PBRM1: variants seen among roughly 807,000 people sequenced by gnomAD.
The protein encoded by PBRM1 is protein polybromo-1.
A neutral mutation model predicts 194.5 loss-of-function variants in PBRM1; 27 were observed. The observed-to-expected ratio is 0.14, with a 90% CI of 0.10 to 0.19. The LOEUF (loss-of-function observed/expected upper bound fraction) is 0.19. Among genes scored for constraint, PBRM1 ranks in the 10% least tolerant of loss-of-function variants. The pLI, the probability that PBRM1 is intolerant of heterozygous loss-of-function variation, is 1.00. For synonymous variants in PBRM1, 655 were observed against 693.2 expected (o/e 0.94, Z 0.87); for missense variants, 1,466 against 2,077.2 (o/e 0.71, Z 5.72).
intron 5 of PBRM1, among the ~76,000 whole-genome samples, chr3:52,654,746 A>G (rs1168335950): frequency 6.6e-6 from 1 of 152,026 alleles, no homozygotes; most frequent in African/African-American, 2.4e-5. Flanking sequence ...CAGTACTTCT[A>G]TTTTGTGTGT....
intron 15 of PBRM1, among the ~76,000 whole-genome samples, chr3:52,610,229 A>T (rs1242327220): frequency 6.6e-6 from 1 of 152,232 alleles, no homozygotes; most frequent in Non-Finnish European, 1.5e-5. Flanking sequence ...ACATTCTATC[A>T]CCTCTGGTAT....
chr3:52,603,218 C>T (rs184958556), intron 17 of PBRM1, among the ~76,000 whole-genome samples: 21 of 152,326 alleles, frequency 1.4e-4, no homozygotes, highest in Non-Finnish European at 1.5e-4. Context: ...TCTAGCTGGC[C>T]TGCTTAGGTT....
intron 17 of PBRM1, among the ~76,000 whole-genome samples, chr3:52,594,200 T>G (rs1320831941): frequency 6.6e-6 from 1 of 152,174 alleles, no homozygotes; most frequent in Non-Finnish European, 1.5e-5. Context: ...TTTTTTATTG[T>G]GTGGGAGTGT....
At chr3:52,679,365 T>C (rs902722234) in intron 1 of PBRM1, among the ~76,000 whole-genome samples, 8 of 152,246 alleles carry the variant, frequency 5.3e-5, no homozygotes, top group Non-Finnish European at 8.8e-5. Context: ...TGAATTAATA[T>C]ATGATGTAAC....
intron 17 of PBRM1, among the ~76,000 whole-genome samples, chr3:52,594,043 A>G (rs2093348311): frequency 6.6e-6 from 1 of 152,090 alleles, no homozygotes; most frequent in East Asian, 1.9e-4. Context: ...GTCTCCCCGT[A>G]TTGTGTGGGA....
At chr3:52,571,539 T>C (rs904752889) in intron 22 of PBRM1, among the ~76,000 whole-genome samples, 3 of 135,856 alleles carry the variant, frequency 2.2e-5, no homozygotes, top group African/African-American at 8.5e-5. Flanking sequence ...GGCAGGGGAA[T>C]AGCTTGAACC....
chr3:52,683,179 G>C (rs1196327937), upstream of PBRM1, among the ~76,000 whole-genome samples: 1 of 151,080 alleles, frequency 6.6e-6, no homozygotes, highest in Non-Finnish European at 1.5e-5. Context: ...CTCCACCCTG[G>C]ACGTCAGAGC....
chr3:52,619,035 C>CCG lies in PBRM1; in HGVS notation c.1542-1498_1542-1497insCG, dbSNP rs1453208463. ...AAGTGCTGGGATTACAGACTTGAGC[C>CCG]ATCGGGCTCGGCTGTGCCCGGCTAA... On this transcript the variant is annotated intron_variant, in intron 13 of 29. Coordinates refer to ENST00000296302, the Ensembl canonical transcript of PBRM1. 2.0e-5 allele frequency among the ~76,000 whole-genome samples: 3 copies of CCG among 152,278 alleles called. No individual in the cohort carries two copies. The East Asian group carries it at 5.8e-4, about 29-fold the overall frequency.
exon 24 of PBRM1, chr3:52,563,401 T>A: frequency 6.2e-7 from 1 of 1,613,976 alleles, no homozygotes; most frequent in Non-Finnish European, 8.5e-7. Flanking sequence ...AATATCATCA[T>A]CTCCACCTTC....
intron 1 of PBRM1, 75 bp from the exon 3 acceptor site, chr3:52,678,672 C>G: frequency 1.1e-6 from 1 of 890,628 alleles, no homozygotes; most frequent in Non-Finnish European, 1.8e-6. Flanking sequence ...GAATTATTTT[C>G]TACTCTTCAA....
upstream of PBRM1, chr3:52,681,209 GAAAGA>G (rs2097199213): frequency 6.6e-6 from 1 of 151,870 alleles, no homozygotes; most frequent in Admixed American, 6.6e-5. Flanking sequence ...CAGCAGTATG[GAAAGA>G]AAGGTTGGGG....
chr3:52,595,703 G>C (rs2093475658), intron 17 of PBRM1, among the ~76,000 whole-genome samples: 2 of 152,100 alleles, frequency 1.3e-5, no homozygotes, highest in African/African-American at 4.8e-5. Flanking sequence ...CTTTTGCTTT[G>C]GTTGCCTGTG....
At position 52,641,900 on chromosome 3, in the gene PBRM1, T is replaced by C. The variant is rs936119421; in HGVS notation, c.1087+54A>G. 1.1e-5 allele frequency: 11 copies of C among 1,043,474 alleles called. No individual in the cohort carries two copies. The African/African-American group carries it at 1.7e-4, about 16-fold the overall frequency. The allele number at this position is 1,043,474 out of a possible 1,614,324, so 64.6% of individuals were successfully genotyped here. ...CAGAAAAAATCACTGCAATTTCATT[T>C]AGCTAGAAGGATCCACTAAGAAGGC... On this transcript the variant is annotated intron_variant, in intron 10 of 29. Transcript: ENST00000296302.
intron 2 of PBRM1, among the ~76,000 whole-genome samples, chr3:52,674,627 C>CAAAAAAAA (rs869059650): frequency 3.7e-5 from 4 of 109,106 alleles, no homozygotes; most frequent in African/African-American, 1.9e-4. Flanking sequence ...CTGTCTCTAC[C>CAAAAAAAA]AAAAAAAAAA....
intron 2 of PBRM1, among the ~76,000 whole-genome samples, chr3:52,672,383 G>A (rs2096966684): frequency 6.6e-6 from 1 of 151,986 alleles, no homozygotes; most frequent in Non-Finnish European, 1.5e-5. Flanking sequence ...TATATTCACA[G>A]GTTTCAGGGA....
exon 7 of PBRM1, chr3:52,648,431 G>A: frequency 6.3e-7 from 1 of 1,594,720 alleles, no homozygotes; most frequent in South Asian, 1.1e-5. Context: ...GAATACTTTT[G>A]TAGCTTCCAT....
intron 12 of PBRM1, among the ~76,000 whole-genome samples, chr3:52,627,849 T>A (rs955093409): frequency 1.3e-5 from 2 of 152,320 alleles, no homozygotes; most frequent in Middle Eastern, 3.4e-3. Flanking sequence ...CACAGCAGGC[T>A]TAGGGAATGT....
intron 13 of PBRM1, among the ~76,000 whole-genome samples, chr3:52,622,633 T>C (rs2095319477): frequency 2.0e-5 from 3 of 152,170 alleles, no homozygotes; most frequent in African/African-American, 7.2e-5. Context: ...CCATCGACAC[T>C]ATCCTCCGGA....
intron 12 of PBRM1, among the ~76,000 whole-genome samples, 185 bp downstream of exon 13, chr3:52,628,709 T>G (rs913137394): frequency 4.6e-5 from 7 of 152,006 alleles, no homozygotes; most frequent in African/African-American, 1.7e-4. Flanking sequence ...TGAGCTCTAG[T>G]GATTCTCTCA....
Sources: gnomAD v4.1 joint callset for allele counts (sites outside exome capture counted in the v4.1 genomes callset) on GRCh38, gnomAD v4.1.1 for gene constraint, MANE v1.5 for transcripts, NCBI Gene and HGNC (gene_info 2026-07-23, HGNC 2026-07-21) for gene names.